Variants in ATP10A observed in about 807,000 individuals in gnomAD.
The protein encoded by ATP10A is ATPase phospholipid transporting 10A (putative).
A neutral mutation model predicts 147.8 loss-of-function variants in ATP10A; 111 were observed. The ratio of observed to expected loss-of-function variants is 0.75; its 90% confidence interval spans 0.64 to 0.88. The LOEUF is 0.88. Among genes scored for constraint, ATP10A ranks in the 40% least tolerant of loss-of-function variants. The pLI, the probability that ATP10A is intolerant of heterozygous loss-of-function variation, is 0.00. For missense variants in ATP10A, 1,927 were observed against 1,959.0 expected (o/e 0.98, Z 0.31); for synonymous variants, 875 against 841.6 (o/e 1.04, Z -0.69).
At chr15:25,804,385 G>T (rs1035725625) in intron 1 of ATP10A, among the ~76,000 whole-genome samples, 2 of 150,894 alleles carry the variant, frequency 1.3e-5, no homozygotes, top group Non-Finnish European at 2.9e-5. Flanking sequence ...CATGGTGTGT[G>T]TGAGTGCATA....
chr15:25,828,366 G>A (rs549552963), intron 1 of ATP10A, among the ~76,000 whole-genome samples: 2 of 152,208 alleles, frequency 1.3e-5, no homozygotes, highest in African/African-American at 4.8e-5. Context: ...TGCACGTGGC[G>A]TGTCCTGTAG....
At chr15:25,725,197 G>A (rs1306310037) in intron 5 of ATP10A, among the ~76,000 whole-genome samples, 1 of 152,178 alleles carries the variant, frequency 6.6e-6, no homozygotes, top group African/African-American at 2.4e-5. Context: ...CGCTCCTGAT[G>A]AGAATCTAAC....
At chr15:25,702,653 C>T (rs1250307853) in intron 12 of ATP10A, among the ~76,000 whole-genome samples, 1 of 151,972 alleles carries the variant, frequency 6.6e-6, no homozygotes, top group Non-Finnish European at 1.5e-5. Flanking sequence ...GCTTTTTCCA[C>T]AAACATAAAG....
intron 12 of ATP10A, among the ~76,000 whole-genome samples, chr15:25,705,881 T>TA (rs1424333924): frequency 6.6e-5 from 10 of 152,234 alleles, no homozygotes; most frequent in Non-Finnish European, 1.2e-4. Flanking sequence ...CAGGCTCCAG[T>TA]GCACGGCTGG....
rs151333370 is a variant in ATP10A, at chr15:25,687,679, T to C, written c.3291+24A>G. ...GAACCGAACCTTCCAATCCCAAAAC[T>C]CTAGACAGGTATCCAATACCTACTG... On this transcript the variant is annotated intron_variant, in intron 16 of 20. Transcript: ENST00000555815. The C allele has an allele frequency of 5.0e-5, 74 of 1,489,906 alleles. 1 individual carries two copies. In the African/African-American group the frequency reaches 8.5e-4, roughly 17 times the overall value. The allele number at this position is 1,489,906 out of a possible 1,614,324, so 92.3% of individuals were successfully genotyped here.
chr15:25,851,608 T>C (rs1035763282), intron 1 of ATP10A, among the ~76,000 whole-genome samples: 2 of 152,210 alleles, frequency 1.3e-5, no homozygotes, highest in African/African-American at 4.8e-5. Flanking sequence ...CAGAAGACAT[T>C]TGAGCCAACA....
chr15:25,705,899 G>A (rs1900978303), intron 12 of ATP10A, among the ~76,000 whole-genome samples: 1 of 152,222 alleles, frequency 6.6e-6, no homozygotes, highest in Non-Finnish European at 1.5e-5. Flanking sequence ...TGGCACCCAT[G>A]TGGGCAACCC....
At chr15:25,691,885 CTCAGTCCTGTGAAAG>C in intron 14 of ATP10A, 94 bp from the exon 15 acceptor site, 1 of 1,487,410 alleles carries the variant, frequency 6.7e-7, no homozygotes, top group Non-Finnish European at 9.4e-7. Flanking sequence ...CCCCGCTGAA[CTCAGTCCTGTGAAAG>C]CGTCCTGGGG....
chr15:25,704,765 C>T (rs1178780676), intron 12 of ATP10A, among the ~76,000 whole-genome samples: 2 of 152,198 alleles, frequency 1.3e-5, no homozygotes, highest in African/African-American at 4.8e-5. Flanking sequence ...TGGGGCACAG[C>T]GGCTTTCTTC....
intron 1 of ATP10A, among the ~76,000 whole-genome samples, chr15:25,791,112 G>A (rs1271161806): frequency 9.0e-6 from 1 of 111,440 alleles, no homozygotes; most frequent in African/African-American, 3.4e-5. Context: ...CAAGACCCTT[G>A]CTCTGTCGCC....
At chr15:25,731,924 T>C (rs1886959806) in intron 3 of ATP10A, among the ~76,000 whole-genome samples, 1 of 152,136 alleles carries the variant, frequency 6.6e-6, no homozygotes, top group Non-Finnish European at 1.5e-5. Context: ...GGTGTGATCA[T>C]AGCTCACTGC....
chr15:25,673,872 C>T (rs7169254), downstream of ATP10A, among the ~76,000 whole-genome samples: 2,655 of 152,276 alleles, frequency 0.017, 78 homozygotes, highest in African/African-American at 0.062. Flanking sequence ...CCTCAGTGCC[C>T]CACCTGTCCA....
intron 2 of ATP10A, among the ~76,000 whole-genome samples, chr15:25,743,895 T>A (rs1047590762): frequency 6.6e-5 from 10 of 152,186 alleles, no homozygotes; most frequent in African/African-American, 2.4e-4. Flanking sequence ...TGTATCACTT[T>A]GATAGTGAGG....
At chr15:25,709,454 G>T (rs540262030) in intron 10 of ATP10A, 1 of 152,342 alleles carries the variant, frequency 6.6e-6, no homozygotes, top group South Asian at 2.1e-4. Flanking sequence ...TGATAAAGCT[G>T]TCCCATTGTC....
In ATP10A at chr15:25,727,076, A is replaced by G. The variant is rs75354790; in HGVS notation, c.847+84T>C. The G allele has an allele frequency of 6.2e-6, 7 of 1,134,682 alleles. No homozygotes were observed. In the Admixed American group the frequency reaches 1.1e-4, roughly 17 times the overall value. 70.3% of individuals were successfully genotyped at this position (1,134,682 alleles called of 1,614,324 possible). A position where few individuals can be genotyped will look rare whatever the true frequency, so the allele number is the denominator to read the frequency against. ...GTCTCAAAAAAAAAAAATGAAAAAG[A>G]AAAAAGAAAAGAAAACAGTGAGGGG... is the stretch of plus-strand genomic sequence containing the variant. On this transcript the variant is annotated intron_variant, in intron 4 of 20. Transcript: ENST00000555815.
intron 1 of ATP10A, among the ~76,000 whole-genome samples, chr15:25,787,806 T>C (rs1352977469): frequency 6.6e-6 from 1 of 151,984 alleles, no homozygotes; most frequent in Non-Finnish European, 1.5e-5. Context: ...CACCAAACTG[T>C]GTTTTTTTTG....
chr15:25,695,119 A>T lies in ATP10A; in HGVS notation c.2788T>A (p.Cys930Ser), dbSNP rs573711772. ...CCTCTGGACTGCACGTAGCATAGGC[A>T]CTGGTCTAGCAGGGCTGCACACGCC... ...QEACAALLDQ[C>S]LCYVQSRGLQ... The change falls in exon 14 of 21, where the codon TGC becomes AGC. Residue 930 changes from cysteine to serine, a missense_variant. Coordinates refer to ENST00000555815, the MANE Select transcript of ATP10A (RefSeq NM_024490.4). 2 of 1,613,768 alleles carry T rather than the reference A, an allele frequency of 1.2e-6. No individual in the cohort carries two copies. Among genetic ancestry groups the T allele is most frequent in the South Asian group, 2.2e-5 (2 of 91,056 alleles).
chr15:25,811,147 C>T (rs150793767), intron 1 of ATP10A, among the ~76,000 whole-genome samples: 434 of 152,280 alleles, frequency 2.9e-3, no homozygotes, highest in Non-Finnish European at 3.9e-3. Context: ...CGATTCAGCG[C>T]GAGGTGGGAC....
intron 6 of ATP10A, 93 bp from the exon 7 acceptor site, chr15:25,722,002 C>G: frequency 2.9e-6 from 4 of 1,375,494 alleles, no homozygotes; most frequent in Non-Finnish European, 4.0e-6. Flanking sequence ...TGACTACAAC[C>G]GCAAGAAAGT....
Sources: gnomAD v4.1 joint callset for allele counts (sites outside exome capture counted in the v4.1 genomes callset) on GRCh38, gnomAD v4.1.1 for gene constraint, MANE v1.5 for transcripts, NCBI Gene and HGNC (gene_info 2026-07-23, HGNC 2026-07-21) for gene names.